CFAP95: variants seen among roughly 807,000 people sequenced by gnomAD.
CFAP95 encodes cilia- and flagella-associated protein 95.
chr9:69,876,668 G>A, the CFAP95 span, among the ~76,000 whole-genome samples: 3 of 151,590 alleles, frequency 2.0e-5, no homozygotes, highest in East Asian at 1.9e-4. Flanking sequence ...GGAGTCTTGC[G>A]CTGTCTCCCA....
the CFAP95 span, among the ~76,000 whole-genome samples, chr9:69,845,374 G>A: frequency 6.6e-6 from 1 of 152,148 alleles, no homozygotes; most frequent in African/African-American, 2.4e-5. Context: ...ATGGCCTCGG[G>A]GCATGAAGAG....
At chr9:69,835,912 G>A in the CFAP95 span, among the ~76,000 whole-genome samples, 1 of 152,068 alleles carries the variant, frequency 6.6e-6, no homozygotes, top group African/African-American at 2.4e-5. Flanking sequence ...AGAATCCTAC[G>A]ACCTAATCCC....
chr9:69,865,685 T>C, the CFAP95 span, among the ~76,000 whole-genome samples: 5 of 152,178 alleles, frequency 3.3e-5, no homozygotes, highest in Non-Finnish European at 7.3e-5. Context: ...TCTGTGGGAG[T>C]ATCTATGTAT....
chr9:69,899,585 T>C, the CFAP95 span, among the ~76,000 whole-genome samples: 1 of 152,244 alleles, frequency 6.6e-6, no homozygotes, highest in Non-Finnish European at 1.5e-5. Context: ...CTGCTCACAA[T>C]GTTGGTCCTT....
chr9:69,826,890 A>G, the CFAP95 span, among the ~76,000 whole-genome samples: 2 of 152,206 alleles, frequency 1.3e-5, no homozygotes, highest in Non-Finnish European at 2.9e-5. Flanking sequence ...GGGGCCCTAT[A>G]TTTATATTTT....
the CFAP95 span, among the ~76,000 whole-genome samples, chr9:69,877,666 A>G: frequency 1.3e-5 from 2 of 152,144 alleles, no homozygotes; most frequent in African/African-American, 4.8e-5. Flanking sequence ...AAACTTGCCT[A>G]TTGTTATAAT....
At chr9:69,822,122 C>G in the CFAP95 span, among the ~76,000 whole-genome samples, 1 of 152,230 alleles carries the variant, frequency 6.6e-6, no homozygotes, top group Middle Eastern at 3.4e-3. Context: ...ATTAACTTTC[C>G]TGGCTCTGCT....
the CFAP95 span, among the ~76,000 whole-genome samples, chr9:69,892,675 C>A: frequency 4.9e-4 from 75 of 152,250 alleles, no homozygotes; most frequent in African/African-American, 1.8e-3. Context: ...GCCACCCTGG[C>A]CCGCCACAAC....
At chr9:69,886,431 G>C in the CFAP95 span, among the ~76,000 whole-genome samples, 450 of 152,274 alleles carry the variant, frequency 3.0e-3, no homozygotes, top group Non-Finnish European at 5.3e-3. Flanking sequence ...ATCCATGCTA[G>C]TTTTGCTGTT....
the CFAP95 span, among the ~76,000 whole-genome samples, chr9:69,878,781 G>T: frequency 6.6e-6 from 1 of 152,136 alleles, no homozygotes; most frequent in Admixed American, 6.6e-5. Context: ...CTGAGACTGG[G>T]TAATTTACAA....
the CFAP95 span, chr9:69,821,110 G>GA: frequency 6.6e-7 from 1 of 1,516,788 alleles, no homozygotes; most frequent in South Asian, 1.2e-5. Flanking sequence ...GAAAGGAAAG[G>GA]AGAGTCAGAG....
the CFAP95 span, among the ~76,000 whole-genome samples, chr9:69,849,962 T>C: frequency 6.6e-6 from 1 of 152,174 alleles, no homozygotes; most frequent in Non-Finnish European, 1.5e-5. Flanking sequence ...ACTAAAATCA[T>C]CAAGAGTATG....
the CFAP95 span, among the ~76,000 whole-genome samples, chr9:69,870,184 A>C: frequency 7.0e-6 from 1 of 143,562 alleles, no homozygotes; most frequent in Non-Finnish European, 1.5e-5. Context: ...ATCTGAGTTA[A>C]TTCTTTCAAT....
chr9:69,824,054 C>A, the CFAP95 span, among the ~76,000 whole-genome samples: 3 of 152,128 alleles, frequency 2.0e-5, no homozygotes, highest in Non-Finnish European at 2.9e-5. Context: ...TGTATTAGGA[C>A]ATGGCCATTG....
chr9:69,867,847 G>C, the CFAP95 span, among the ~76,000 whole-genome samples: 3 of 152,178 alleles, frequency 2.0e-5, no homozygotes, highest in African/African-American at 7.2e-5. Context: ...TGAATGAGCT[G>C]TCTTGGATCA....
chr9:69,891,156 C>T, the CFAP95 span, among the ~76,000 whole-genome samples: 1 of 152,200 alleles, frequency 6.6e-6, no homozygotes, highest in African/African-American at 2.4e-5. Flanking sequence ...TTTCACAATA[C>T]ATGGACAAGG....
At chr9:69,845,897 C>A in the CFAP95 span, among the ~76,000 whole-genome samples, 8 of 152,142 alleles carry the variant, frequency 5.3e-5, no homozygotes, top group Non-Finnish European at 7.3e-5. Flanking sequence ...TCCCTTTGCA[C>A]CAGGCTGCCT....
the CFAP95 span, among the ~76,000 whole-genome samples, chr9:69,875,322 T>C: frequency 1.3e-5 from 2 of 152,180 alleles, no homozygotes; most frequent in Admixed American, 1.3e-4. Flanking sequence ...TGTTCCACAA[T>C]GCCTTTTTAG....
the CFAP95 span, among the ~76,000 whole-genome samples, chr9:69,824,126 AT>A: frequency 2.2e-3 from 341 of 152,264 alleles, no homozygotes; most frequent in Non-Finnish European, 4.1e-3. Flanking sequence ...GTATCATCTG[AT>A]TTTTGCAAAA....
Sources: allele counts gnomAD v4.1 joint callset (sites outside exome capture counted in the v4.1 genomes callset), GRCh38; gene constraint gnomAD v4.1.1; transcripts MANE v1.5; gene names NCBI Gene and HGNC (gene_info 2026-07-23, HGNC 2026-07-21).